Variants in MSRA observed in about 807,000 individuals in gnomAD.
MSRA encodes mitochondrial peptide methionine sulfoxide reductase.
A neutral mutation model predicts 31.3 loss-of-function variants in MSRA; 54 were observed. That is an observed-to-expected ratio of 1.73 (90% CI 1.39 to 2.17). MSRA has a LOEUF of 2.17. MSRA is among the 30% of genes most tolerant of loss of function. The pLI, the probability that MSRA is intolerant of heterozygous loss-of-function variation, is 0.00. For missense variants in MSRA, 507 were observed against 300.9 expected (o/e 1.69, Z -5.07); for synonymous variants, 169 against 116.5 (o/e 1.45, Z -2.90).
intron 5 of MSRA, among the ~76,000 whole-genome samples, chr8:10,399,190 G>A (rs149285624): frequency 6.4e-4 from 97 of 152,338 alleles, no homozygotes; most frequent in African/African-American, 2.2e-3. Context: ...CGTGTTGGGT[G>A]CAAAGGTGAA....
At chr8:10,153,526 TTG>T (rs200123974) in intron 1 of MSRA, among the ~76,000 whole-genome samples, 12 of 151,968 alleles carry the variant, frequency 7.9e-5, no homozygotes, top group Non-Finnish European at 4.4e-5. Context: ...TCCTTTTTTT[TTG>T]CCATTTTAAG....
chr8:10,256,213 G>A (rs1041078852), intron 3 of MSRA, among the ~76,000 whole-genome samples: 4 of 152,114 alleles, frequency 2.6e-5, no homozygotes, highest in African/African-American at 9.7e-5. Context: ...TCATTGAGTT[G>A]AAATCACACA....
At chr8:10,068,054 T>C (rs1489370043) in intron 1 of MSRA, among the ~76,000 whole-genome samples, 1 of 152,010 alleles carries the variant, frequency 6.6e-6, no homozygotes, top group Non-Finnish European at 1.5e-5. Context: ...TGACTGATTT[T>C]TGGATTTTTA....
intron 5 of MSRA, among the ~76,000 whole-genome samples, chr8:10,427,014 G>A (rs572500446): frequency 1.0e-3 from 119 of 117,596 alleles, no homozygotes; most frequent in African/African-American, 3.6e-3. Flanking sequence ...AGAGATGCAG[G>A]AAATAAGTGA....
intron 2 of MSRA, among the ~76,000 whole-genome samples, chr8:10,238,545 A>C (rs1298986833): frequency 6.6e-6 from 1 of 152,222 alleles, no homozygotes; most frequent in Non-Finnish European, 1.5e-5. Context: ...ATGATGAAAA[A>C]ACAGTATAGG....
Position 10,269,081 on chromosome 8 carries a change from T to C in MSRA, c.331+23858T>C, listed in dbSNP as rs541094475. On this transcript the variant is annotated intron_variant, in intron 3 of 5. Coordinates refer to ENST00000317173, the MANE Select transcript of MSRA (RefSeq NM_012331.5). ...TTTGAATGCTTCTCCAACGCCTTTA[T>C]TGGCAGTTGAAAATAGAGTTCTAGC... Among the ~76,000 whole-genome samples the C allele has an allele frequency of 2.6e-5, 4 of 152,354 alleles. No individual in the cohort carries two copies. The South Asian group carries it at 6.2e-4, about 24-fold the overall frequency.
intron 1 of MSRA, among the ~76,000 whole-genome samples, chr8:10,113,776 T>A (rs532862210): frequency 0.037 from 5,587 of 151,190 alleles, 116 homozygotes; most frequent in African/African-American, 0.06. Context: ...TTTTTTTTTT[T>A]TAAAAAAAAG....
intron 2 of MSRA, among the ~76,000 whole-genome samples, chr8:10,217,806 C>G (rs530351500): frequency 1.3e-5 from 2 of 152,126 alleles, no homozygotes; most frequent in South Asian, 4.2e-4. Flanking sequence ...AGTCCATTTC[C>G]CCTGTTGCCT....
At chr8:10,082,011 G>A (rs1176911768) in intron 1 of MSRA, among the ~76,000 whole-genome samples, 4 of 152,068 alleles carry the variant, frequency 2.6e-5, no homozygotes, top group Admixed American at 1.3e-4. Context: ...AGACTAGACT[G>A]GACAACAAAG....
chr8:10,062,728 G>A (rs1419832615), intron 1 of MSRA, among the ~76,000 whole-genome samples: 2 of 152,156 alleles, frequency 1.3e-5, no homozygotes, highest in Admixed American at 6.5e-5. Flanking sequence ...TTGTGGTTAT[G>A]TTACTGGTTT....
chr8:10,409,154 G>T (rs1374935142), intron 5 of MSRA, among the ~76,000 whole-genome samples: 5 of 152,160 alleles, frequency 3.3e-5, no homozygotes, highest in Admixed American at 3.3e-4. Flanking sequence ...ACTGTTTTCC[G>T]TAGAGGTTGT....
At chr8:10,201,156 A>G (rs980883798) in intron 1 of MSRA, among the ~76,000 whole-genome samples, 8 of 151,930 alleles carry the variant, frequency 5.3e-5, no homozygotes, top group Non-Finnish European at 8.8e-5. Context: ...ACTGAGATAA[A>G]TGCACTTTAC....
At chr8:10,425,846 T>C (rs940913062) in intron 5 of MSRA, among the ~76,000 whole-genome samples, 2 of 152,238 alleles carry the variant, frequency 1.3e-5, no homozygotes, top group African/African-American at 4.8e-5. Context: ...TTATTTGCTA[T>C]TTGGATACAG....
chr8:10,083,681 A>G (rs974813479), intron 1 of MSRA, among the ~76,000 whole-genome samples: 1 of 151,994 alleles, frequency 6.6e-6, no homozygotes, highest in Admixed American at 6.6e-5. Flanking sequence ...TTATTCAAAG[A>G]GGTTTTTTTT....
chr8:10,210,273 G>T (rs929422849), intron 2 of MSRA, among the ~76,000 whole-genome samples: 3 of 152,160 alleles, frequency 2.0e-5, no homozygotes, highest in African/African-American at 7.2e-5. Context: ...CCAAGGAGGT[G>T]GTTGGTGGAG....
chr8:10,071,492 G>A (rs1797731050), intron 1 of MSRA, among the ~76,000 whole-genome samples: 1 of 141,788 alleles, frequency 7.1e-6, no homozygotes, highest in South Asian at 2.3e-4. Context: ...CTTGTACAGA[G>A]TAAAAGTTTT....
intron 1 of MSRA, among the ~76,000 whole-genome samples, chr8:10,150,865 C>T (rs1002707418): frequency 6.6e-6 from 1 of 152,142 alleles, no homozygotes; most frequent in East Asian, 1.9e-4. Flanking sequence ...TGCTCTTGAA[C>T]CTGTGGAGTG....
At chr8:10,308,464 G>A (rs960976059) in intron 4 of MSRA, among the ~76,000 whole-genome samples, 3 of 152,148 alleles carry the variant, frequency 2.0e-5, no homozygotes, top group Non-Finnish European at 2.9e-5. Context: ...CTACTAACTG[G>A]CCTGTCTCAC....
chr8:10,375,940 G>A (rs758284687), intron 5 of MSRA, among the ~76,000 whole-genome samples: 2 of 152,178 alleles, frequency 1.3e-5, no homozygotes, highest in Non-Finnish European at 2.9e-5. Flanking sequence ...TTTCTGTGTG[G>A]ACTTTCTGAT....
Sources: allele counts gnomAD v4.1 joint callset (sites outside exome capture counted in the v4.1 genomes callset), GRCh38; gene constraint gnomAD v4.1.1; transcripts MANE v1.5; gene names NCBI Gene and HGNC (gene_info 2026-07-23, HGNC 2026-07-21).